TGFA: variants seen among roughly 807,000 people sequenced by gnomAD.
The protein encoded by TGFA is protransforming growth factor alpha.
Under a neutral mutation model 21.7 loss-of-function variants are expected in TGFA, and 12 were observed. The observed-to-expected ratio is 0.55, with a 90% CI of 0.35 to 0.90. The LOEUF is 0.90. Among genes scored for constraint, TGFA ranks in the 40% least tolerant of loss-of-function variants. The probability of loss-of-function intolerance (pLI) is 0.01; values close to 1 mark genes in which losing one functional copy is unlikely to be tolerated. For synonymous variants in TGFA, 79 were observed against 88.1 expected (o/e 0.90, Z 0.58); for missense variants, 178 against 210.8 (o/e 0.84, Z 0.96).
At chr2:70,500,874 C>A (rs919390400) in intron 2 of TGFA, among the ~76,000 whole-genome samples, 4 of 151,948 alleles carry the variant, frequency 2.6e-5, no homozygotes, top group Non-Finnish European at 5.9e-5. Flanking sequence ...TCTCTTCACA[C>A]TGTTGATTGT....
intron 2 of TGFA, among the ~76,000 whole-genome samples, chr2:70,482,918 A>G (rs1574091472): frequency 6.6e-6 from 1 of 152,140 alleles, no homozygotes; most frequent in East Asian, 1.9e-4. Flanking sequence ...TACATCAACA[A>G]ATGTTTTCTG....
At chr2:70,482,573 C>T (rs1411056427) in intron 2 of TGFA, among the ~76,000 whole-genome samples, 3 of 152,178 alleles carry the variant, frequency 2.0e-5, no homozygotes, top group Admixed American at 2.0e-4. Context: ...GCTGTTTCTC[C>T]ACTTAAACTA....
chr2:70,456,076 G>A (rs955135394), intron 4 of TGFA, among the ~76,000 whole-genome samples: 6 of 152,230 alleles, frequency 3.9e-5, no homozygotes, highest in African/African-American at 7.2e-5. Context: ...TGGAAAGAAC[G>A]AGCATGCCTT....
chr2:70,481,593 A>C (rs1671123088), intron 2 of TGFA, among the ~76,000 whole-genome samples: 1 of 152,184 alleles, frequency 6.6e-6, no homozygotes, highest in African/African-American at 2.4e-5. Context: ...ACCTCCTGGT[A>C]TCCACAGCCT....
At chr2:70,534,459 A>T (rs1672913339) in intron 1 of TGFA, among the ~76,000 whole-genome samples, 1 of 152,212 alleles carries the variant, frequency 6.6e-6, no homozygotes, top group Non-Finnish European at 1.5e-5. Flanking sequence ...AATGTGCCCC[A>T]TGACTTCCAG....
At chr2:70,464,333 A>G (rs1553491849) in intron 3 of TGFA, among the ~76,000 whole-genome samples, 1 of 152,266 alleles carries the variant, frequency 6.6e-6, no homozygotes, top group African/African-American at 2.4e-5. Flanking sequence ...TTCAAACAGT[A>G]CTTGACATGA....
At chr2:70,547,445 T>G (rs1183674149) in intron 1 of TGFA, among the ~76,000 whole-genome samples, 1 of 151,088 alleles carries the variant, frequency 6.6e-6, no homozygotes, top group African/African-American at 2.4e-5. Context: ...AACACAAAAA[T>G]TAGCTGGAAA....
intron 1 of TGFA, among the ~76,000 whole-genome samples, chr2:70,521,037 C>G (rs1672439055): frequency 6.6e-6 from 1 of 151,988 alleles, no homozygotes; most frequent in Non-Finnish European, 1.5e-5. Context: ...CAATTCAGGC[C>G]CTATCATCTC....
In TGFA at chr2:70,450,882, A is replaced by G; in HGVS notation, c.476-16T>C. 1 of 1,607,074 alleles carries G rather than the reference A, an allele frequency of 6.2e-7. No individual in the cohort carries two copies. The highest frequency in any genetic ancestry group is 1.3e-5 in the African/African-American group (1 of 74,990). On this transcript the variant is annotated splice_polypyrimidine_tract_variant and intron_variant, in intron 5 of 5. Transcript: ENST00000295400. ...CTTCAGACCACTGGCAGGAAGGAAA[A>G]ACAGGTTAAGCACTGTGGGCCACAC...
intron 1 of TGFA, among the ~76,000 whole-genome samples, chr2:70,535,859 CAA>C (rs1278880429): frequency 1.3e-5 from 2 of 152,126 alleles, no homozygotes; most frequent in Admixed American, 1.3e-4. Context: ...GTCTGTTAGC[CAA>C]AATCTTCTAC....
At chr2:70,489,016 G>A (rs1418980121) in intron 2 of TGFA, among the ~76,000 whole-genome samples, 1 of 152,170 alleles carries the variant, frequency 6.6e-6, no homozygotes, top group African/African-American at 2.4e-5. Context: ...GGTGTTCCAG[G>A]GCTGGAAAGA....
chr2:70,498,401 T>A (rs542262543), intron 2 of TGFA, among the ~76,000 whole-genome samples: 1 of 152,190 alleles, frequency 6.6e-6, no homozygotes, highest in South Asian at 2.1e-4. Context: ...GAGGAGGAGA[T>A]GAGGTTGCAG....
At chr2:70,504,637 C>T (rs1483648245) in intron 2 of TGFA, among the ~76,000 whole-genome samples, 1 of 151,542 alleles carries the variant, frequency 6.6e-6, no homozygotes, top group African/African-American at 2.4e-5. Flanking sequence ...TATAGTTATA[C>T]ACACACATAC....
intron 1 of TGFA, among the ~76,000 whole-genome samples, chr2:70,524,195 T>C (rs910930372): frequency 9.2e-5 from 14 of 152,216 alleles, no homozygotes; most frequent in African/African-American, 3.1e-4. Flanking sequence ...CCCTCTCTCA[T>C]AAAGCAAAGC....
Position 70,465,721 on chromosome 2 carries a change from G to C in TGFA, c.110C>G (p.Ala37Gly). The C allele has an allele frequency of 6.2e-7, 1 of 1,614,068 alleles. No homozygotes were observed. The highest frequency in any genetic ancestry group is 8.5e-7 in the Non-Finnish European group (1 of 1,180,006). Reference protein sequence around the residue: ...TSPLSADPPVAAAVVSHFNDC... With the variant: ...TSPLSADPPVGAAVVSHFNDC... Reference sequence around the variant, plus strand: ...ATTAAAATGGGACACCACTGCTGCAGCCACGGGCGGGTCTGCTGGGGAGAG... The same window carrying C: ...ATTAAAATGGGACACCACTGCTGCACCCACGGGCGGGTCTGCTGGGGAGAG... Residue 37 changes from alanine to glycine, a missense_variant, in exon 3 of 6, where the codon GCT becomes GGT. Transcript: ENST00000295400.
intron 1 of TGFA, chr2:70,553,182 A>AC: frequency 6.5e-7 from 1 of 1,535,624 alleles, no homozygotes; most frequent in Non-Finnish European, 8.7e-7. Flanking sequence ...TCCAAAACCT[A>AC]CCCCCAAAGC....
chr2:70,551,281 G>C (rs549754990), intron 1 of TGFA, among the ~76,000 whole-genome samples: 3 of 152,266 alleles, frequency 2.0e-5, no homozygotes, highest in African/African-American at 7.2e-5. Context: ...GCCCCCGTGC[G>C]GTCTGCCTGC....
At chr2:70,530,687 C>T (rs954949128) in intron 1 of TGFA, among the ~76,000 whole-genome samples, 12 of 152,232 alleles carry the variant, frequency 7.9e-5, no homozygotes, top group African/African-American at 2.4e-4. Context: ...CAGATGACAA[C>T]GGCTATGCCC....
intron 1 of TGFA, among the ~76,000 whole-genome samples, chr2:70,533,105 G>C (rs552580047): frequency 4.0e-4 from 61 of 151,764 alleles, no homozygotes; most frequent in African/African-American, 1.5e-3. Flanking sequence ...CAAGTGATCC[G>C]CCCATCTCAG....
Sources: allele counts gnomAD v4.1 joint callset (sites outside exome capture counted in the v4.1 genomes callset), GRCh38; gene constraint gnomAD v4.1.1; transcripts MANE v1.5; gene names NCBI Gene and HGNC (gene_info 2026-07-23, HGNC 2026-07-21).